WDR43: variants seen among roughly 807,000 people sequenced by gnomAD.
WDR43 encodes WD repeat domain 43, also known as WD repeat-containing protein 43.
A neutral mutation model predicts 91.4 loss-of-function variants in WDR43; 13 were observed. The ratio of observed to expected loss-of-function variants is 0.14; its 90% CI spans 0.09 to 0.23. WDR43 has a LOEUF of 0.23. Ranked by LOEUF, WDR43 falls within the 10% of genes least tolerant of loss-of-function variation. WDR43 has a pLI of 1.00. For missense variants in WDR43, 780 were observed against 809.4 expected, an observed-to-expected ratio of 0.96 and a Z score of 0.44; for synonymous variants, 331 against 287.9, an observed-to-expected ratio of 1.15 and a Z score of -1.51.
chr2:28,946,941 G>C lies in WDR43; in HGVS notation c.*162G>C. 1 of 684,324 alleles carries C rather than the reference G, an allele frequency of 1.5e-6. No individual in the cohort carries two copies. The highest frequency in any genetic ancestry group is 2.4e-6 in the Non-Finnish European group (1 of 424,450). The allele number at this position is 684,324 out of a possible 1,614,324, so 42.4% of individuals were successfully genotyped here. On this transcript the variant is annotated 3_prime_UTR_variant, in exon 18 of 18. Coordinates refer to ENST00000407426, the MANE Select transcript of WDR43 (RefSeq NM_015131.3). ...TGTCCTGAGCACCCCAGACTTGACT[G>C]TGTAAATAAGAGTGTTTCATTCAAA...
chr2:28,898,158 A>G (rs1440199315), intron 1 of WDR43, among the ~76,000 whole-genome samples: 1 of 152,162 alleles, frequency 6.6e-6, no homozygotes, highest in African/African-American at 2.4e-5. Flanking sequence ...TCCTTCTCTA[A>G]CAGACCTTGT....
chr2:28,927,092 T>G (rs749967561), intron 9 of WDR43: 3 of 519,714 alleles, frequency 5.8e-6, no homozygotes, highest in Admixed American at 3.9e-5. Flanking sequence ...CCATATGGTT[T>G]CGCTGCTGGC....
At chr2:28,942,475 A>G (rs1671458126) in intron 16 of WDR43, 94 bp downstream of exon 16, 1 of 1,356,818 alleles carries the variant, frequency 7.4e-7, no homozygotes. Context: ...TCAACATAAG[A>G]TCTTCCTTTG....
At chr2:28,927,801 A>T (rs1286962340) in intron 10 of WDR43, 101 bp downstream of exon 10, 2 of 1,433,754 alleles carry the variant, frequency 1.4e-6, no homozygotes, top group Non-Finnish European at 9.5e-7. Flanking sequence ...ATCTTTAGAA[A>T]TTTACTGAGA....
chr2:28,932,396 C>G (rs1312308738), intron 11 of WDR43, among the ~76,000 whole-genome samples: 3 of 152,160 alleles, frequency 2.0e-5, no homozygotes, highest in Non-Finnish European at 4.4e-5. Flanking sequence ...CTCCTGATCT[C>G]CGGTCACCTG....
rs374488575 is a variant in WDR43 at position 28,933,090 on chromosome 2, CAATT to C, written c.1438-2428_1438-2425del. ...ATAATCTATATATTTAATCCATTCT[CAATT>C]AAAATTCCAGCAGTCCTTGTCAGCC... is the stretch of plus-strand genomic sequence containing the variant. On this transcript the variant is annotated intron_variant, in intron 11 of 17. Transcript: ENST00000407426. 1.6e-4 allele frequency among the ~76,000 whole-genome samples: 24 copies of C among 152,258 alleles called. 1 individual carries two copies. The East Asian group carries it at 2.3e-3, about 15-fold the overall frequency.
chr2:28,947,448 T>C lies in WDR43; in HGVS notation c.*669T>C, dbSNP rs1024183815. ...TAAAACAAAACAAAAATTATGGTCA[T>C]TAAAAAACTAGAGAATTAGCCATAT... On this transcript the variant is annotated 3_prime_UTR_variant, in exon 18 of 18. Transcript: ENST00000407426. The C allele has an allele frequency of 2.6e-5, 4 of 152,144 alleles. No homozygotes were observed. Among genetic ancestry groups the C allele is most frequent in the African/African-American group, 9.7e-5 (4 of 41,448 alleles). The allele number at this position is 152,144 out of a possible 1,614,324, so 9.4% of individuals were successfully genotyped here.
intron 5 of WDR43, among the ~76,000 whole-genome samples, chr2:28,914,915 G>A (rs1484001639): frequency 3.3e-5 from 5 of 151,966 alleles, no homozygotes; most frequent in Admixed American, 1.3e-4. Flanking sequence ...GCGACAGAGC[G>A]AAACTCCATC....
At chr2:28,927,734 T>C (rs534531984) in intron 10 of WDR43, 34 bp downstream of exon 10, 1 of 1,608,232 alleles carries the variant, frequency 6.2e-7, no homozygotes, top group Admixed American at 1.7e-5. Flanking sequence ...TATTTGAGTT[T>C]GTGATTTAAA....
chr2:28,944,189 G>A (rs1043458067), intron 16 of WDR43, among the ~76,000 whole-genome samples: 2 of 152,148 alleles, frequency 1.3e-5, no homozygotes, highest in Non-Finnish European at 2.9e-5. Flanking sequence ...TTTTAATAGT[G>A]CCATTCTACT....
chr2:28,942,298 T>TGA lies in WDR43; in HGVS notation c.1735-14_1735-13insGA. On this transcript the variant is annotated splice_polypyrimidine_tract_variant and intron_variant, in intron 15 of 17. Coordinates refer to ENST00000407426, the MANE Select transcript of WDR43 (RefSeq NM_015131.3). ...TTACACTCTACTTCAGAACAGTACTTTATCTTCTTCCAGGTAACAGCATCA... is the reference window on the plus strand; with the variant it reads ...TTACACTCTACTTCAGAACAGTACTTGATATCTTCTTCCAGGTAACAGCATCA... 1 of 1,612,066 alleles carries TGA rather than the reference T, an allele frequency of 6.2e-7. No individual in the cohort carries two copies. Among genetic ancestry groups the TGA allele is most frequent in the South Asian group, 1.1e-5 (1 of 90,578 alleles).
At chr2:28,934,773 G>T (rs543569296) in intron 11 of WDR43, among the ~76,000 whole-genome samples, 1 of 152,076 alleles carries the variant, frequency 6.6e-6, no homozygotes, top group Non-Finnish European at 1.5e-5. Context: ...GCCTTTTGGT[G>T]CCACTGCTGT....
intron 6 of WDR43, among the ~76,000 whole-genome samples, chr2:28,919,144 C>T (rs1003378075): frequency 6.6e-6 from 1 of 152,066 alleles, no homozygotes; most frequent in Non-Finnish European, 1.5e-5. Flanking sequence ...GGTGGTCCCA[C>T]ATACTTGGGA....
intron 9 of WDR43, chr2:28,927,147 C>A (rs1171916750): frequency 1.9e-6 from 1 of 519,732 alleles, no homozygotes; most frequent in Admixed American, 1.9e-5. Flanking sequence ...CTGAGCATTT[C>A]TGGCAGAGAT....
chr2:28,939,884 G>A (rs1343209159), intron 14 of WDR43, among the ~76,000 whole-genome samples: 1 of 152,076 alleles, frequency 6.6e-6, no homozygotes, highest in Non-Finnish European at 1.5e-5. Context: ...GAGGCGGGTG[G>A]ATCATGAGTT....
At position 28,936,943 on chromosome 2, in the gene WDR43, C is replaced by A; in HGVS notation, c.1546C>A (p.His516Asn). 6.4e-7 allele frequency: 1 copy of A among 1,573,854 alleles called. No homozygotes were observed. The highest frequency in any genetic ancestry group is 8.6e-7 in the Non-Finnish European group (1 of 1,158,470). Residue 516 changes from histidine to asparagine, a missense_variant, in exon 13 of 18, where the codon CAT (histidine) becomes AAT (asparagine). By Grantham distance (68) the His-to-Asn change is moderately conservative. Around this residue, in one of 4 missense-constraint regions of WDR43, gnomAD observed 426 missense variants for 467.8 expected, o/e 0.91. Transcript: ENST00000407426. ...LQELTKRLQG[H>N]PNSAVLMVQW... ...TTAGCTTACAAAGAGGTTACAAGGA[C>A]ATCCTAATAGGTAAGATTAAACAGG...
At chr2:28,946,308 T>A in intron 16 of WDR43, 142 bp from the exon 17 acceptor site, 1 of 902,064 alleles carries the variant, frequency 1.1e-6, no homozygotes, top group South Asian at 2.6e-5. Context: ...AATAATAAAA[T>A]AATGTTATTT....
chr2:28,898,745 G>C (rs4438440), intron 1 of WDR43, among the ~76,000 whole-genome samples: 39,204 of 151,902 alleles, frequency 0.26, 6,264 homozygotes, highest in East Asian at 0.77. Context: ...ACTAGCCGTG[G>C]GAAGTTTCTC....
At chr2:28,927,341 G>A (rs996590407) in intron 9 of WDR43, 19 of 532,672 alleles carry the variant, frequency 3.6e-5, no homozygotes, top group African/African-American at 2.3e-4. Flanking sequence ...CAGGCCAGTC[G>A]GATTTTACTC....
Sources: allele counts gnomAD v4.1 joint callset (sites outside exome capture counted in the v4.1 genomes callset), GRCh38; gene constraint gnomAD v4.1.1; regional missense constraint gnomAD v4.1.1; transcripts MANE v1.5; gene names NCBI Gene and HGNC (gene_info 2026-07-23, HGNC 2026-07-21).